Variants in LCLAT1 observed in about 807,000 individuals in gnomAD.
LCLAT1 encodes the protein 1-AGP acyltransferase 8.
Under a neutral mutation model 30.7 loss-of-function variants are expected in LCLAT1, and 11 were observed. The ratio of observed to expected loss-of-function variants is 0.36; its 90% CI spans 0.23 to 0.59. LCLAT1 has a LOEUF of 0.59. Among genes scored for constraint, LCLAT1 ranks in the 20% least tolerant of loss-of-function variants. The pLI is 0.77. For missense variants in LCLAT1, 402 were observed against 458.6 expected (o/e 0.88, Z 1.13); for synonymous variants, 155 against 151.3 (o/e 1.02, Z -0.18).
chr2:30,463,127 T>C (rs1475268327), intron 1 of LCLAT1, among the ~76,000 whole-genome samples: 2 of 151,960 alleles, frequency 1.3e-5, no homozygotes, highest in Non-Finnish European at 2.9e-5. Flanking sequence ...TTGAATGCTA[T>C]ATAAGTAATA....
chr2:30,501,159 A>G (rs974754433), intron 1 of LCLAT1, among the ~76,000 whole-genome samples: 1 of 150,460 alleles, frequency 6.6e-6, no homozygotes, highest in Non-Finnish European at 1.5e-5. Flanking sequence ...TCCTGATTCT[A>G]GTTGGGCAAG....
At chr2:30,530,172 A>G (rs1446621962) in intron 2 of LCLAT1, among the ~76,000 whole-genome samples, 1 of 152,246 alleles carries the variant, frequency 6.6e-6, no homozygotes, top group Non-Finnish European at 1.5e-5. Context: ...ATAAGAAACA[A>G]TGCATTATAA....
chr2:30,459,427 C>A, intron 1 of LCLAT1: 1 of 609,986 alleles, frequency 1.6e-6, no homozygotes, highest in East Asian at 2.7e-5. Context: ...TTAATCCATT[C>A]AGTACTCAGA....
At chr2:30,612,233 A>G (rs894436664) in intron 5 of LCLAT1, among the ~76,000 whole-genome samples, 2 of 152,200 alleles carry the variant, frequency 1.3e-5, no homozygotes. Flanking sequence ...GCATTCCAGA[A>G]TGTCAGGAAA....
At chr2:30,521,815 T>TTAA (rs1201772487) in intron 1 of LCLAT1, among the ~76,000 whole-genome samples, 1 of 152,074 alleles carries the variant, frequency 6.6e-6, no homozygotes, top group Non-Finnish European at 1.5e-5. Context: ...CCCCCTAAAC[T>TTAA]TATATTGTGT....
chr2:30,467,670 G>A (rs1682516835), intron 1 of LCLAT1, among the ~76,000 whole-genome samples: 1 of 152,178 alleles, frequency 6.6e-6, no homozygotes, highest in Admixed American at 6.5e-5. Flanking sequence ...GTTTTGATTT[G>A]CATTTCCCTG....
chr2:30,535,079 A>G (rs1176812854), intron 3 of LCLAT1, among the ~76,000 whole-genome samples: 2 of 152,220 alleles, frequency 1.3e-5, no homozygotes, highest in East Asian at 3.8e-4. Context: ...TTATGTGTCT[A>G]ATAGAGATTG....
At chr2:30,506,423 A>G (rs1316046642) in intron 1 of LCLAT1, among the ~76,000 whole-genome samples, 1 of 152,108 alleles carries the variant, frequency 6.6e-6, no homozygotes, top group East Asian at 1.9e-4. Flanking sequence ...ATTAATAAGT[A>G]AAGATGAGTA....
At chr2:30,581,844 T>G (rs1419141950) in intron 5 of LCLAT1, among the ~76,000 whole-genome samples, 1 of 152,142 alleles carries the variant, frequency 6.6e-6, no homozygotes, top group Non-Finnish European at 1.5e-5. Context: ...TATAACACTG[T>G]GGGGTGACTA....
chr2:30,482,643 A>G (rs914639328), intron 1 of LCLAT1, among the ~76,000 whole-genome samples: 2 of 152,148 alleles, frequency 1.3e-5, no homozygotes, highest in East Asian at 1.9e-4. Flanking sequence ...GCATTGCTGT[A>G]GGATCTACTT....
intron 1 of LCLAT1, among the ~76,000 whole-genome samples, chr2:30,455,167 C>T (rs1403682438): frequency 6.6e-6 from 1 of 152,080 alleles, no homozygotes; most frequent in South Asian, 2.1e-4. Flanking sequence ...CTTTCTTTAA[C>T]TGTAAAAAAA....
At chr2:30,494,589 T>C (rs1227407486) in intron 1 of LCLAT1, among the ~76,000 whole-genome samples, 1 of 151,906 alleles carries the variant, frequency 6.6e-6, no homozygotes, top group Non-Finnish European at 1.5e-5. Flanking sequence ...CGTGCATACA[T>C]GTATGCATGC....
chr2:30,538,881 A>G (rs1027702702), intron 3 of LCLAT1, among the ~76,000 whole-genome samples: 9 of 152,194 alleles, frequency 5.9e-5, no homozygotes, highest in African/African-American at 1.9e-4. Flanking sequence ...GATTAAATCA[A>G]TAATTTAAAA....
At chr2:30,488,969 A>G (rs1470266371) in intron 1 of LCLAT1, among the ~76,000 whole-genome samples, 4 of 152,198 alleles carry the variant, frequency 2.6e-5, no homozygotes, top group Non-Finnish European at 5.9e-5. Context: ...TAAACCATCA[A>G]ATCATTTCCT....
intron 5 of LCLAT1, among the ~76,000 whole-genome samples, chr2:30,574,996 T>C (rs1301058084): frequency 6.6e-6 from 1 of 152,188 alleles, no homozygotes; most frequent in African/African-American, 2.4e-5. Flanking sequence ...GCTCAGGTCC[T>C]AGTCTGTGTG....
At chr2:30,459,532 C>T in intron 1 of LCLAT1, 1 of 918,268 alleles carries the variant, frequency 1.1e-6, no homozygotes, top group Non-Finnish European at 1.8e-6. Context: ...CTTTTTTTCT[C>T]CCATTTGTCC....
chr2:30,567,276 C>T (rs1289535018), intron 4 of LCLAT1, among the ~76,000 whole-genome samples: 1 of 152,092 alleles, frequency 6.6e-6, no homozygotes, highest in African/African-American at 2.4e-5. Flanking sequence ...ATATGAATTT[C>T]AGAAAATGTA....
chr2:30,493,024 C>T lies in LCLAT1; in HGVS notation c.-4-32563C>T, dbSNP rs548106423. ...CCCGTGGGCTACATTGTTTAACCTG[C>T]TGAACCCCATGTTTTTTCTTTGTAA... On this transcript the variant is annotated intron_variant, in intron 1 of 5. Coordinates refer to ENST00000379509, the MANE Select transcript of LCLAT1 (RefSeq NM_001002257.3). Among the ~76,000 whole-genome samples the T allele has an allele frequency of 6.6e-5, 10 of 152,278 alleles. No individual in the cohort carries two copies. The East Asian group carries it at 1.7e-3, about 26-fold the overall frequency.
At chr2:30,495,484 A>G (rs565908512) in intron 1 of LCLAT1, among the ~76,000 whole-genome samples, 36 of 152,298 alleles carry the variant, frequency 2.4e-4, no homozygotes, top group African/African-American at 8.4e-4. Flanking sequence ...TCTAATTGCA[A>G]TATAAAGGAA....
Sources: allele counts gnomAD v4.1 joint callset (sites outside exome capture counted in the v4.1 genomes callset), GRCh38; gene constraint gnomAD v4.1.1; transcripts MANE v1.5; gene names NCBI Gene and HGNC (gene_info 2026-07-23, HGNC 2026-07-21).